The following C10orf67 variants were observed in gnomAD, a reference collection of about 807,000 sequenced individuals.
C10orf67 encodes uncharacterized protein C10orf67, mitochondrial.
A neutral mutation model predicts 35.6 loss-of-function variants in C10orf67; 60 were observed. That is an observed-to-expected ratio of 1.68 (90% CI 1.37 to 2.09). The LOEUF is 2.09. Ranked by LOEUF, C10orf67 falls within the 30% of genes most tolerant of loss-of-function variation. The pLI is 0.00. For missense variants in C10orf67, 474 were observed against 330.2 expected (o/e 1.44, Z -3.38); for synonymous variants, 167 against 115.8 (o/e 1.44, Z -2.84).
At chr10:23,223,445 T>C (rs577263437) in intron 15 of C10orf67, among the ~76,000 whole-genome samples, 153 bp downstream of exon 15, 89 of 152,304 alleles carry the variant, frequency 5.8e-4, no homozygotes, top group Admixed American at 3.3e-3. Context: ...TTTTATTCAG[T>C]TTATCTGTGC....
At chr10:23,211,100 T>C (rs1453123055) in intron 15 of C10orf67, among the ~76,000 whole-genome samples, 1 of 152,170 alleles carries the variant, frequency 6.6e-6, no homozygotes, top group Admixed American at 6.5e-5. Context: ...AATTGTCTCA[T>C]AGTTGTGGAG....
chr10:23,228,693 A>T (rs187421003), intron 13 of C10orf67, among the ~76,000 whole-genome samples: 63 of 152,330 alleles, frequency 4.1e-4, no homozygotes, highest in African/African-American at 1.4e-3. Context: ...TACTCTTCTG[A>T]CAAAGGGCTA....
At chr10:23,304,506 G>T (rs1844201352) in intron 4 of C10orf67, among the ~76,000 whole-genome samples, 1 of 152,054 alleles carries the variant, frequency 6.6e-6, no homozygotes, top group Non-Finnish European at 1.5e-5. Flanking sequence ...TGATGGAGAA[G>T]CCTGAAGTAG....
Position 23,322,459 on chromosome 10 carries a change from C to T in C10orf67, c.406G>A (p.Glu136Lys). Residue 136 changes from glutamate (E) to lysine (K), a missense_variant, in exon 3 of 16, where the codon GAA (glutamate) becomes AAA (lysine). Transcript: ENST00000636213. ...QLKFEDRLKEESLSLFTILHD... is the reference protein window; with the variant it reads ...QLKFEDRLKEKSLSLFTILHD... Reference sequence around the variant, plus strand: ...AGAATGGTGAAGAGACTCAAAGATTCCTCTTTCAGTCGGTCCTCAAACTTC... The same window carrying T: ...AGAATGGTGAAGAGACTCAAAGATTTCTCTTTCAGTCGGTCCTCAAACTTC... 1 of 1,609,604 alleles carries T rather than the reference C, an allele frequency of 6.2e-7. No individual in the cohort carries two copies.
intron 15 of C10orf67, among the ~76,000 whole-genome samples, chr10:23,213,404 G>C (rs1841360145): frequency 6.6e-6 from 1 of 152,072 alleles, no homozygotes; most frequent in Non-Finnish European, 1.5e-5. Flanking sequence ...TGAATACATT[G>C]AACACCATAA....
intron 4 of C10orf67, among the ~76,000 whole-genome samples, chr10:23,303,937 C>CT (rs1460575624): frequency 1.3e-5 from 2 of 152,222 alleles, no homozygotes; most frequent in African/African-American, 4.8e-5. Flanking sequence ...GGCAGGCTCA[C>CT]TGACCATGGT....
intron 13 of C10orf67, among the ~76,000 whole-genome samples, chr10:23,235,275 T>C (rs1175437902): frequency 2.0e-5 from 3 of 152,108 alleles, no homozygotes; most frequent in African/African-American, 7.2e-5. Flanking sequence ...GAATGTGAGA[T>C]ATTGTCACAG....
intron 8 of C10orf67, among the ~76,000 whole-genome samples, chr10:23,268,355 T>C (rs982220220): frequency 2.6e-5 from 4 of 152,218 alleles, no homozygotes; most frequent in African/African-American, 9.7e-5. Flanking sequence ...AAATGTATTA[T>C]TAGTGCATGT....
chr10:23,275,521 C>A (rs572274779), intron 8 of C10orf67, among the ~76,000 whole-genome samples: 2 of 152,162 alleles, frequency 1.3e-5, no homozygotes, highest in South Asian at 2.1e-4. Flanking sequence ...CACATTCATC[C>A]TGCAGGAATG....
chr10:23,333,656 C>T (rs1269688914), intron 1 of C10orf67, among the ~76,000 whole-genome samples: 1 of 152,276 alleles, frequency 6.6e-6, no homozygotes, highest in South Asian at 2.1e-4. Flanking sequence ...TTTTTACTGT[C>T]ATTCTCTCAC....
chr10:23,284,378 C>T (rs934034158), intron 7 of C10orf67, among the ~76,000 whole-genome samples: 1 of 151,996 alleles, frequency 6.6e-6, no homozygotes. Flanking sequence ...CCACTCTTGC[C>T]TGCCTGGAAA....
intron 1 of C10orf67, among the ~76,000 whole-genome samples, chr10:23,339,730 T>C (rs1005197407): frequency 2.0e-5 from 3 of 152,242 alleles, no homozygotes; most frequent in Non-Finnish European, 4.4e-5. Flanking sequence ...GTGTATTGTC[T>C]AGAGTCTTCT....
rs372231629 is a variant in C10orf67, at chr10:23,258,935, T to A, written c.1200+7327A>T. Among the ~76,000 whole-genome samples, 18 of 152,350 alleles carry A rather than the reference T, an allele frequency of 1.2e-4. No homozygotes were observed. The East Asian group carries it at 2.9e-3, about 24-fold the overall frequency. ...ATTGTCAATTTCTTCTTGTAGCAAA[T>A]GAAAGAATACAGTATGTCTTTTTAA... is the stretch of plus-strand genomic sequence containing the variant. On this transcript the variant is annotated intron_variant, in intron 10 of 15. Transcript: ENST00000636213.
rs1169883926 is a variant in C10orf67 at position 23,344,615 on chromosome 10, G to T, written c.160C>A (p.Arg54=). The T allele has an allele frequency of 6.3e-7, 1 of 1,583,484 alleles. No individual in the cohort carries two copies. The highest frequency in any genetic ancestry group is 8.6e-7 in the Non-Finnish European group (1 of 1,165,608). ...GGGGGCTTGAATTCCCGAGCTTCTC[G>T]CTTCCTACGCGCGCAGCAGACCCGC... ...ELRVCCARRK[R]EAREFKPPQM... The change falls in exon 1 of 16, where the codon CGA becomes AGA. Residue 54 remains arginine (R), a synonymous_variant. Coordinates refer to ENST00000636213, the MANE Select transcript of C10orf67 (RefSeq NM_001371909.1).
intron 1 of C10orf67, among the ~76,000 whole-genome samples, chr10:23,334,736 T>G (rs186032231): frequency 1.3e-5 from 2 of 152,286 alleles, no homozygotes; most frequent in African/African-American, 2.4e-5. Flanking sequence ...TGGGGGCTAG[T>G]AAGAAAGGTT....
At position 23,319,020 on chromosome 10, in the gene C10orf67, T is replaced by C. The variant is rs1211805607; in HGVS notation, c.546+1721A>G. On this transcript the variant is annotated intron_variant, in intron 4 of 15. Coordinates refer to ENST00000636213, the MANE Select transcript of C10orf67 (RefSeq NM_001371909.1). The stretch of plus-strand genomic sequence containing the variant: ...TTTTTTTTCTTTCCAATTTTTGTTT[T>C]AGGTTCAGAGGGTACATGTACAGGT... 14 of 706,154 alleles carry C rather than the reference T, an allele frequency of 2.0e-5. No homozygotes were observed. In the East Asian group the frequency reaches 2.7e-4, roughly 14 times the overall value. 43.7% of individuals were successfully genotyped at this position (706,154 alleles called of 1,614,324 possible).
chr10:23,305,520 A>G (rs1358402230), intron 4 of C10orf67, among the ~76,000 whole-genome samples: 2 of 152,242 alleles, frequency 1.3e-5, no homozygotes. Flanking sequence ...CAAGGCCTAA[A>G]TAAACATTTT....
At chr10:23,244,328 A>G (rs1842259845) in intron 12 of C10orf67, among the ~76,000 whole-genome samples, 1 of 152,240 alleles carries the variant, frequency 6.6e-6, no homozygotes, top group South Asian at 2.1e-4. Flanking sequence ...AAGAAAATAT[A>G]TAGTGTTAAA....
intron 7 of C10orf67, among the ~76,000 whole-genome samples, chr10:23,289,621 C>T (rs1843653934): frequency 2.0e-5 from 3 of 152,200 alleles, no homozygotes; most frequent in Admixed American, 2.0e-4. Context: ...GCAAGCTCAT[C>T]TTCAGACTTC....
Sources: allele counts gnomAD v4.1 joint callset (sites outside exome capture counted in the v4.1 genomes callset), GRCh38; gene constraint gnomAD v4.1.1; transcripts MANE v1.5; gene names NCBI Gene and HGNC (gene_info 2026-07-23, HGNC 2026-07-21).